PTPRM: variants seen among roughly 807,000 people sequenced by gnomAD.
PTPRM encodes the protein protein tyrosine phosphatase receptor type M, also known as receptor-type tyrosine-protein phosphatase mu.
In PTPRM, 47 loss-of-function variants were observed where a neutral mutation model predicts 186.7. The ratio of observed to expected loss-of-function variants is 0.25; its 90% CI spans 0.20 to 0.32. PTPRM has a LOEUF of 0.32. PTPRM is among the 10% of genes least tolerant of loss of function. The pLI is 1.00. For missense variants in PTPRM, 1,494 were observed against 1,865.0 expected (o/e 0.80, Z 3.66); for synonymous variants, 668 against 674.9 (o/e 0.99, Z 0.16).
In PTPRM at chr18:8,254,963, T is replaced by C. The variant is rs192025783; in HGVS notation, c.2754+1549T>C. Among the ~76,000 whole-genome samples the C allele has an allele frequency of 2.6e-3, 389 of 152,346 alleles. 2 individuals are homozygous for C. The highest frequency in any genetic ancestry group is 7.9e-3 in the African/African-American group (329 of 41,584). On this transcript the variant is annotated intron_variant, in intron 19 of 32. Transcript: ENST00000580170. Reference sequence around the variant, plus strand: ...ATCCAGACCGTGCTCCAGGGTTTAATTGAAGTCCAGAAAATATTTTCAGTT... The same window carrying C: ...ATCCAGACCGTGCTCCAGGGTTTAACTGAAGTCCAGAAAATATTTTCAGTT...
At chr18:8,193,377 C>G (rs2093733658) in intron 14 of PTPRM, among the ~76,000 whole-genome samples, 1 of 152,168 alleles carries the variant, frequency 6.6e-6, no homozygotes, top group Admixed American at 6.5e-5. Flanking sequence ...CAGGTGCTTA[C>G]AAATTGATTA....
At chr18:7,759,668 G>T (rs1191130952) in intron 1 of PTPRM, among the ~76,000 whole-genome samples, 2 of 152,100 alleles carry the variant, frequency 1.3e-5, no homozygotes, top group Non-Finnish European at 2.9e-5. Context: ...CTTACTTGTG[G>T]ATTGTTTATG....
At chr18:7,774,060 C>T in intron 1 of PTPRM, 89 bp from the exon 2 acceptor site, 1 of 1,347,618 alleles carries the variant, frequency 7.4e-7, no homozygotes. Flanking sequence ...TCAAACTTGG[C>T]ATCAAGTCTA....
At chr18:8,220,333 C>T (rs576998796) in intron 14 of PTPRM, among the ~76,000 whole-genome samples, 2 of 152,174 alleles carry the variant, frequency 1.3e-5, no homozygotes, top group East Asian at 3.8e-4. Flanking sequence ...AGCATGCAGA[C>T]ATTACATAAT....
chr18:8,321,869 T>C (rs546017818), intron 22 of PTPRM, among the ~76,000 whole-genome samples: 40 of 152,222 alleles, frequency 2.6e-4, no homozygotes, highest in Non-Finnish European at 4.7e-4. Flanking sequence ...TCTTCTATTA[T>C]ATACCAGAAG....
At chr18:8,074,678 C>T (rs1484804879) in intron 8 of PTPRM, among the ~76,000 whole-genome samples, 1 of 152,128 alleles carries the variant, frequency 6.6e-6, no homozygotes, top group Non-Finnish European at 1.5e-5. Flanking sequence ...TTTTCCTGTG[C>T]TTATTGACTA....
At chr18:8,220,549 G>A (rs2094142486) in intron 14 of PTPRM, among the ~76,000 whole-genome samples, 1 of 152,222 alleles carries the variant, frequency 6.6e-6, no homozygotes. Context: ...AGTTGTCAAG[G>A]AGAGAATCAA....
At chr18:8,316,151 A>T (rs1434557125) in intron 21 of PTPRM, among the ~76,000 whole-genome samples, 1 of 152,128 alleles carries the variant, frequency 6.6e-6, no homozygotes, top group Non-Finnish European at 1.5e-5. Flanking sequence ...CTCCAGGCCA[A>T]CTGTAGCACA....
At chr18:7,760,476 A>G (rs555710624) in intron 1 of PTPRM, among the ~76,000 whole-genome samples, 60 of 152,172 alleles carry the variant, frequency 3.9e-4, no homozygotes, top group Non-Finnish European at 8.1e-4. Context: ...AGGGTTTTAG[A>G]AGGGCCTGCG....
At chr18:7,729,989 G>A (rs2040624132) in intron 1 of PTPRM, among the ~76,000 whole-genome samples, 1 of 151,744 alleles carries the variant, frequency 6.6e-6, no homozygotes, top group African/African-American at 2.4e-5. Flanking sequence ...AATATTTATG[G>A]AAAAAAAATC....
chr18:8,187,020 AACCT>A (rs2093651712), intron 14 of PTPRM, among the ~76,000 whole-genome samples: 2 of 151,328 alleles, frequency 1.3e-5, no homozygotes. Context: ...GGCGCACTGC[AACCT>A]CCACCTCCCA....
intron 1 of PTPRM, among the ~76,000 whole-genome samples, chr18:7,580,995 C>G (rs994779146): frequency 6.6e-6 from 1 of 152,180 alleles, no homozygotes. Flanking sequence ...AGGTGTGATT[C>G]TCCTGTGCAG....
At chr18:8,308,217 G>A (rs926399656) in intron 20 of PTPRM, among the ~76,000 whole-genome samples, 1 of 152,204 alleles carries the variant, frequency 6.6e-6, no homozygotes, top group Non-Finnish European at 1.5e-5. Flanking sequence ...ACCTACAAGT[G>A]TGAGTGGCAG....
intron 1 of PTPRM, among the ~76,000 whole-genome samples, chr18:7,664,648 A>G (rs2039057001): frequency 6.6e-6 from 1 of 152,106 alleles, no homozygotes; most frequent in Admixed American, 6.5e-5. Flanking sequence ...GGTTCCAGGA[A>G]CCAGTCCTGG....
At chr18:8,096,239 C>T (rs2091010856) in intron 11 of PTPRM, among the ~76,000 whole-genome samples, 2 of 152,192 alleles carry the variant, frequency 1.3e-5, no homozygotes, top group African/African-American at 4.8e-5. Context: ...TGGCTAGGGC[C>T]GGGGAAGACC....
intron 14 of PTPRM, among the ~76,000 whole-genome samples, chr18:8,190,883 T>G (rs1032525509): frequency 1.2e-4 from 19 of 152,092 alleles, no homozygotes; most frequent in Non-Finnish European, 1.9e-4. Flanking sequence ...TTCCTCTTAA[T>G]AAAAAAAATT....
chr18:7,800,394 G>C (rs1031562776), intron 2 of PTPRM, among the ~76,000 whole-genome samples: 6 of 152,142 alleles, frequency 3.9e-5, no homozygotes, highest in Non-Finnish European at 8.8e-5. Flanking sequence ...ATGATACTGG[G>C]GGCAATGGTA....
intron 2 of PTPRM, among the ~76,000 whole-genome samples, chr18:7,877,398 T>C (rs907815811): frequency 7.9e-5 from 12 of 152,198 alleles, no homozygotes; most frequent in African/African-American, 2.4e-4. Flanking sequence ...ACCTGTGTAA[T>C]CGCATGATCA....
intron 1 of PTPRM, among the ~76,000 whole-genome samples, chr18:7,696,766 A>G (rs1199410508): frequency 6.6e-6 from 1 of 152,220 alleles, no homozygotes; most frequent in African/African-American, 2.4e-5. Context: ...CTCACGAACT[A>G]TTTGTGCACA....
Sources: allele counts gnomAD v4.1 joint callset (sites outside exome capture counted in the v4.1 genomes callset), GRCh38; gene constraint gnomAD v4.1.1; transcripts MANE v1.5; gene names NCBI Gene and HGNC (gene_info 2026-07-23, HGNC 2026-07-21).